PPP1R42: variants seen among roughly 807,000 people sequenced by gnomAD.
PPP1R42 encodes the protein leucine rich repeat containing 67.
A neutral mutation model predicts 31.0 loss-of-function variants in PPP1R42; 34 were observed. The ratio of observed to expected loss-of-function variants is 1.10; its 90% CI spans 0.83 to 1.46. The LOEUF (loss-of-function observed/expected upper bound fraction) is 1.46. Ranked by LOEUF, PPP1R42 falls within the 40% of genes most tolerant of loss-of-function variation. The pLI is 0.00. For missense variants in PPP1R42, 268 were observed against 303.0 expected (o/e 0.88, Z 0.86); for synonymous variants, 103 against 109.8 (o/e 0.94, Z 0.39).
At chr8:66,989,328 A>G (rs565710993) in intron 5 of PPP1R42, among the ~76,000 whole-genome samples, 5 of 152,144 alleles carry the variant, frequency 3.3e-5, no homozygotes, top group Non-Finnish European at 7.4e-5. Context: ...TTTTCACAGC[A>G]TCTTTGTCCC....
intron 6 of PPP1R42, chr8:66,986,334 C>A: frequency 3.8e-6 from 2 of 529,392 alleles, no homozygotes; most frequent in South Asian, 2.9e-5. Context: ...TCAGCTCATC[C>A]AGCTCCCTCT....
intron 3 of PPP1R42, 121 bp downstream of exon 3, chr8:67,014,305 A>C (rs1490215445): frequency 5.7e-6 from 3 of 530,524 alleles, no homozygotes; most frequent in Non-Finnish European, 9.5e-6. Context: ...AAATCATATC[A>C]ATTTCATATT....
intron 7 of PPP1R42, among the ~76,000 whole-genome samples, chr8:66,967,670 G>GCTAA: frequency 6.6e-6 from 1 of 152,122 alleles, no homozygotes; most frequent in Admixed American, 6.5e-5. Flanking sequence ...AGGGTACTAG[G>GCTAA]TATTTTATAA....
At chr8:66,988,736 A>T (rs1815101926) in intron 5 of PPP1R42, among the ~76,000 whole-genome samples, 1 of 152,202 alleles carries the variant, frequency 6.6e-6, no homozygotes, top group Admixed American at 6.5e-5. Context: ...TCCTAAGTTG[A>T]GGGCCACACA....
chr8:66,994,214 G>A (rs149774783), intron 5 of PPP1R42, among the ~76,000 whole-genome samples: 146 of 152,222 alleles, frequency 9.6e-4, no homozygotes, highest in African/African-American at 3.4e-3. Flanking sequence ...GCCAAAAGTT[G>A]CTTGGCTACC....
At position 66,970,856 on chromosome 8, in the gene PPP1R42, C is replaced by G. The variant is rs765909106; in HGVS notation, c.803-6522G>C. On this transcript the variant is annotated intron_variant, in intron 7 of 7. Transcript: ENST00000685739. ...TTTTTTCTTTCTTTCTATGTTTGGC[C>G]AAAAAGGATTGAGAACAAAGAACTA... is the stretch of plus-strand genomic sequence containing the variant. 5.6e-5 allele frequency: 45 copies of G among 799,276 alleles called. No individual in the cohort carries two copies. In the South Asian group the frequency reaches 6.1e-4, roughly 11 times the overall value. 49.5% of individuals were successfully genotyped at this position (799,276 alleles called of 1,614,324 possible). A position where few individuals can be genotyped will look rare whatever the true frequency, so the allele number is the denominator to read the frequency against.
chr8:66,986,791 T>G (rs535673186), intron 6 of PPP1R42, among the ~76,000 whole-genome samples: 1 of 152,332 alleles, frequency 6.6e-6, no homozygotes, highest in South Asian at 2.1e-4. Flanking sequence ...AAACATAGCC[T>G]TTCTGATAGA....
At position 66,982,087 on chromosome 8, in the gene PPP1R42, C is replaced by CT. The variant is rs1814859026; in HGVS notation, c.763dup (p.Arg255LysfsTer4). On this transcript the variant is annotated frameshift_variant, in exon 7 of 8. Coordinates refer to ENST00000685739, the MANE Select transcript of PPP1R42 (RefSeq NM_001364910.1). LOFTEE classifies it high-confidence loss of function. ...GCTTGCATCCTCATTTTTACTGCTC[C>CT]TTTTTTTGCTGATTTTCTTGGCATC... 37 of 1,494,858 alleles carry CT rather than the reference C, an allele frequency of 2.5e-5. No homozygotes were observed. The highest frequency in any genetic ancestry group is 2.4e-4 in the South Asian group (18 of 74,894). The allele number at this position is 1,494,858 out of a possible 1,614,324, so 92.6% of individuals were successfully genotyped here.
intron 7 of PPP1R42, among the ~76,000 whole-genome samples, chr8:66,972,412 CAG>C (rs1814562170): frequency 6.6e-6 from 1 of 151,630 alleles, no homozygotes. Context: ...TTTTTTGAGA[CAG>C]AGTGTCATCT....
chr8:67,010,325 C>T (rs1815805437), intron 5 of PPP1R42, among the ~76,000 whole-genome samples: 1 of 152,008 alleles, frequency 6.6e-6, no homozygotes, highest in Non-Finnish European at 1.5e-5. Flanking sequence ...CAAGTACTTC[C>T]CCAAAAAGAA....
chr8:66,997,878 G>A (rs939540723), intron 5 of PPP1R42, among the ~76,000 whole-genome samples: 16 of 152,112 alleles, frequency 1.1e-4, no homozygotes, highest in African/African-American at 3.1e-4. Flanking sequence ...TTCTTTTTAC[G>A]CCTTTTCTTA....
At chr8:66,981,559 T>C (rs1187524137) in intron 7 of PPP1R42, among the ~76,000 whole-genome samples, 1 of 151,866 alleles carries the variant, frequency 6.6e-6, no homozygotes, top group Admixed American at 6.6e-5. Context: ...TTTTGTATTT[T>C]TAGTAGAGAC....
intron 5 of PPP1R42, among the ~76,000 whole-genome samples, chr8:66,991,512 C>T (rs953695369): frequency 9.2e-5 from 14 of 152,186 alleles, no homozygotes; most frequent in African/African-American, 2.2e-4. Context: ...ACCTCTCTTT[C>T]GCCTTCTCTT....
intron 5 of PPP1R42, among the ~76,000 whole-genome samples, chr8:67,005,576 C>T (rs1483610547): frequency 6.6e-6 from 1 of 152,168 alleles, no homozygotes; most frequent in Non-Finnish European, 1.5e-5. Context: ...TCTGTTTCTT[C>T]CTTATAAAGG....
chr8:67,004,097 A>G (rs1815598107), intron 5 of PPP1R42, among the ~76,000 whole-genome samples: 1 of 152,162 alleles, frequency 6.6e-6, no homozygotes, highest in South Asian at 2.1e-4. Context: ...CTCAAAAAAA[A>G]AAAAAAAGAG....
intron 7 of PPP1R42, among the ~76,000 whole-genome samples, chr8:66,969,692 G>A (rs976437110): frequency 1.3e-5 from 2 of 152,176 alleles, no homozygotes; most frequent in African/African-American, 2.4e-5. Flanking sequence ...ATCCCTCGAT[G>A]GGACCCTTCG....
chr8:66,981,980 A>AT (rs1472417469), intron 7 of PPP1R42, 69 bp downstream of exon 7: 9 of 1,260,000 alleles, frequency 7.1e-6, no homozygotes, highest in African/African-American at 6.2e-5. Flanking sequence ...ATTTGTTGGC[A>AT]TTTTTTTGTT....
chr8:66,991,498 T>G (rs1815187364), intron 5 of PPP1R42, among the ~76,000 whole-genome samples: 1 of 152,212 alleles, frequency 6.6e-6, no homozygotes, highest in Non-Finnish European at 1.5e-5. Flanking sequence ...TTGTTTGGCC[T>G]AAAACCTCTC....
intron 6 of PPP1R42, among the ~76,000 whole-genome samples, chr8:66,987,090 CT>C (rs1815041411): frequency 6.6e-6 from 1 of 151,940 alleles, no homozygotes; most frequent in Non-Finnish European, 1.5e-5. Context: ...AATTATATAG[CT>C]TGTTAGTATA....
Sources: gnomAD v4.1 joint callset for allele counts (sites outside exome capture counted in the v4.1 genomes callset) on GRCh38, gnomAD v4.1.1 for gene constraint, MANE v1.5 for transcripts, NCBI Gene and HGNC (gene_info 2026-07-23, HGNC 2026-07-21) for gene names.